The following ERBB4 variants were observed in gnomAD, a reference collection of about 807,000 sequenced individuals.
The protein encoded by ERBB4 is receptor tyrosine-protein kinase erbB-4.
ERBB4 carries 42 observed loss-of-function variants against 158.0 expected under a neutral mutation model. The ratio of observed to expected loss-of-function variants is 0.27; its 90% CI spans 0.21 to 0.34. ERBB4 has a LOEUF of 0.34. ERBB4 is among the 10% of genes least tolerant of loss of function. The pLI, the probability that ERBB4 is intolerant of heterozygous loss-of-function variation, is 1.00. For missense variants in ERBB4, 1,333 were observed against 1,624.1 expected, an observed-to-expected ratio of 0.82 and a Z score of 3.08; for synonymous variants, 583 against 558.7, an observed-to-expected ratio of 1.04 and a Z score of -0.61.
chr2:212,207,674 T>C (rs1200155881), intron 1 of ERBB4, among the ~76,000 whole-genome samples: 1 of 152,202 alleles, frequency 6.6e-6, no homozygotes, highest in Non-Finnish European at 1.5e-5. Flanking sequence ...ATGAACTGTG[T>C]AATCTGTATA....
At chr2:212,487,438 A>C (rs1187043431) in intron 1 of ERBB4, among the ~76,000 whole-genome samples, 1 of 152,114 alleles carries the variant, frequency 6.6e-6, no homozygotes, top group Non-Finnish European at 1.5e-5. Context: ...AAGGAAACTT[A>C]AAATGGGGAG....
At chr2:211,485,424 T>G (rs1006914220) in intron 20 of ERBB4, among the ~76,000 whole-genome samples, 2 of 152,118 alleles carry the variant, frequency 1.3e-5, no homozygotes, top group African/African-American at 4.8e-5. Context: ...ACTCTAACAA[T>G]TCACCCTATC....
intron 3 of ERBB4, among the ~76,000 whole-genome samples, chr2:211,857,103 C>G (rs1360908368): frequency 5.3e-5 from 8 of 151,758 alleles, no homozygotes; most frequent in Non-Finnish European, 1.0e-4. Flanking sequence ...CTAGGAAGTC[C>G]TACATTTTAT....
chr2:212,322,274 C>T lies in ERBB4; in HGVS notation c.83-197371G>A, dbSNP rs1017068874. 1.1e-4 allele frequency among the ~76,000 whole-genome samples: 17 copies of T among 150,462 alleles called. 1 individual carries two copies. Among genetic ancestry groups the T allele is most frequent in the Non-Finnish European group, 2.5e-4 (17 of 67,052 alleles). On this transcript the variant is annotated intron_variant, in intron 1 of 27. Transcript: ENST00000342788. ...GCAAATAACTTCACCAACTTGATCT[C>T]TCTTTTCCTTATGTGCATAATAGGG... is the stretch of plus-strand genomic sequence containing the variant.
Position 211,792,447 on chromosome 2 carries a change from G to A in ERBB4, c.422-4288C>T, listed in dbSNP as rs184573681. On this transcript the variant is annotated intron_variant, in intron 3 of 27. Transcript: ENST00000342788. ...GAAAATAGCATTTATTATATAAAAC[G>A]CATATAACTGATAATATACAATATT... 3.7e-3 allele frequency among the ~76,000 whole-genome samples: 562 copies of A among 151,614 alleles called. 3 individuals carry two copies. The highest frequency in any genetic ancestry group is 4.3e-3 in the Non-Finnish European group (288 of 67,700).
intron 1 of ERBB4, among the ~76,000 whole-genome samples, chr2:212,196,940 C>T (rs917130074): frequency 6.6e-6 from 1 of 152,132 alleles, no homozygotes; most frequent in African/African-American, 2.4e-5. Flanking sequence ...ACGCCTCACC[C>T]GTGCTGGGTA....
intron 3 of ERBB4, among the ~76,000 whole-genome samples, chr2:211,908,277 AGT>A (rs1254385855): frequency 6.6e-6 from 1 of 151,810 alleles, no homozygotes; most frequent in Non-Finnish European, 1.5e-5. Context: ...TTCTGCAATT[AGT>A]TGATTTTCCT....
chr2:211,796,164 T>C (rs1338232183), intron 3 of ERBB4, among the ~76,000 whole-genome samples: 1 of 151,914 alleles, frequency 6.6e-6, no homozygotes, highest in Non-Finnish European at 1.5e-5. Flanking sequence ...ACTTTCCACC[T>C]CATGTCACTC....
At chr2:212,454,432 G>T (rs1259156731) in intron 1 of ERBB4, among the ~76,000 whole-genome samples, 1 of 152,018 alleles carries the variant, frequency 6.6e-6, no homozygotes, top group Non-Finnish European at 1.5e-5. Context: ...ATTATCTGTG[G>T]GTTTTCCCAC....
At chr2:212,218,094 A>T (rs2083160668) in intron 1 of ERBB4, among the ~76,000 whole-genome samples, 1 of 151,368 alleles carries the variant, frequency 6.6e-6, no homozygotes, top group Admixed American at 6.6e-5. Context: ...ATAAGAATAA[A>T]GTAGTTCTTT....
intron 1 of ERBB4, among the ~76,000 whole-genome samples, chr2:212,479,510 G>C (rs73063170): frequency 6.6e-6 from 1 of 152,078 alleles, no homozygotes. Flanking sequence ...ACTGTGCGCC[G>C]AGCACTACGC....
intron 20 of ERBB4, among the ~76,000 whole-genome samples, chr2:211,450,834 T>C (rs930023781): frequency 1.3e-5 from 2 of 152,188 alleles, no homozygotes; most frequent in Non-Finnish European, 1.5e-5. Context: ...CATATAGGCA[T>C]GCTGTTACTT....
chr2:211,692,113 G>T (rs1268431690), intron 12 of ERBB4, among the ~76,000 whole-genome samples: 1 of 152,220 alleles, frequency 6.6e-6, no homozygotes, highest in Non-Finnish European at 1.5e-5. Context: ...CTGTACTGAA[G>T]AGGGAAGGTA....
At chr2:212,379,501 C>T (rs1467767838) in intron 1 of ERBB4, among the ~76,000 whole-genome samples, 2 of 151,492 alleles carry the variant, frequency 1.3e-5, no homozygotes, top group East Asian at 1.9e-4. Flanking sequence ...TGTAGACTAC[C>T]TTTACTAATG....
chr2:212,503,966 TTTG>T (rs1361661153), intron 1 of ERBB4, among the ~76,000 whole-genome samples: 1 of 152,170 alleles, frequency 6.6e-6, no homozygotes, highest in Non-Finnish European at 1.5e-5. Context: ...AACAAAACTA[TTTG>T]TTAAGTATCT....
chr2:212,003,177 G>GA (rs368438270), intron 2 of ERBB4, among the ~76,000 whole-genome samples: 2,197 of 47,398 alleles, frequency 0.046, 84 homozygotes, highest in South Asian at 0.098. Flanking sequence ...AAGAAAGAAA[G>GA]AAAGAAAGAA....
intron 15 of ERBB4, among the ~76,000 whole-genome samples, chr2:211,658,665 C>G (rs1013100338): frequency 6.6e-6 from 1 of 152,008 alleles, no homozygotes; most frequent in Non-Finnish European, 1.5e-5. Context: ...AACAGGTAAA[C>G]AAAAACAAGT....
rs545494542 is a variant in ERBB4 at position 211,485,897 on chromosome 2, T to C, written c.2488-54797A>G. On this transcript the variant is annotated intron_variant, in intron 20 of 27. Coordinates refer to ENST00000342788, the MANE Select transcript of ERBB4 (RefSeq NM_005235.3). ...AAAGAAATAAAAGGCATTACAGAAA[T>C]CGTCAGGGGCTTGTGGATTGATTTA... Among the ~76,000 whole-genome samples the C allele has an allele frequency of 3.7e-4, 56 of 152,108 alleles. No individual in the cohort carries two copies. In the South Asian group the frequency reaches 0.011, roughly 30 times the overall value.
At chr2:212,494,349 C>T (rs555237147) in intron 1 of ERBB4, among the ~76,000 whole-genome samples, 1 of 152,024 alleles carries the variant, frequency 6.6e-6, no homozygotes, top group African/African-American at 2.4e-5. Flanking sequence ...AATGTGCACA[C>T]AGAAAGACTC....
Sources: allele counts gnomAD v4.1 joint callset (sites outside exome capture counted in the v4.1 genomes callset), GRCh38; gene constraint gnomAD v4.1.1; transcripts MANE v1.5; gene names NCBI Gene and HGNC (gene_info 2026-07-23, HGNC 2026-07-21).